Variants in LPP observed in about 807,000 individuals in gnomAD.
The protein encoded by LPP is lipoma-preferred partner.
In LPP, 38 loss-of-function variants were observed where a neutral mutation model predicts 60.4. The observed-to-expected ratio is 0.63, with a 90% confidence interval of 0.49 to 0.83. The LOEUF (loss-of-function observed/expected upper bound fraction) is 0.83, where lower values mean the gene tolerates loss of function less well. Among genes scored for constraint, LPP ranks in the 40% least tolerant of loss-of-function variants. The pLI is 0.00. For missense variants in LPP, 902 were observed against 783.6 expected, an observed-to-expected ratio of 1.15 and a Z score of -1.80; for synonymous variants, 328 against 290.8, an observed-to-expected ratio of 1.13 and a Z score of -1.30.
At chr3:188,723,649 T>A (rs1334263024) in intron 8 of LPP, among the ~76,000 whole-genome samples, 1 of 152,146 alleles carries the variant, frequency 6.6e-6, no homozygotes, top group Non-Finnish European at 1.5e-5. Flanking sequence ...AAAAACACTT[T>A]GTCCTATTGG....
Position 188,704,757 on chromosome 3 carries a change from TTTGTTG to T in LPP, c.1114-3489_1114-3484del, listed in dbSNP as rs35521611. ...TTTTGTGTACACTGCAGATACCTGT[TTTGTTG>T]TTGTTGTTGTTGTTGTTGTTTTGTC... is the stretch of plus-strand genomic sequence containing the variant. On this transcript the variant is annotated intron_variant, in intron 7 of 11. Transcript: ENST00000617246. 1.9e-4 allele frequency among the ~76,000 whole-genome samples: 28 copies of T among 150,820 alleles called. No individual in the cohort carries two copies. The East Asian group carries it at 2.0e-3, about 11-fold the overall frequency.
In LPP at chr3:188,609,628, C is replaced by T. The variant is rs771646814; in HGVS notation, c.897C>T (p.Gly299=). 2 of 1,614,154 alleles carry T rather than the reference C, an allele frequency of 1.2e-6. No individual in the cohort carries two copies. Among genetic ancestry groups the T allele is most frequent in the Admixed American group, 1.7e-5 (1 of 60,014 alleles). The part of the protein sequence containing the change: ...YAPNQGRYYE[G]YYAAGPGYGG... ...CCAACCAGGGACGCTATTATGAAGG[C>T]TACTATGCAGCAGGGCCAGGCTATG... The change falls in exon 7 of 12, where the codon GGC becomes GGT. Residue 299 remains glycine, a synonymous_variant. Coordinates refer to ENST00000617246, the MANE Select transcript of LPP (RefSeq NM_001375462.1). The surrounding 1 kb of genome is among the most constrained non-coding windows in gnomAD (Gnocchi z 6.9).
At chr3:188,200,334 C>G (rs1260026378) in intron 1 of LPP, among the ~76,000 whole-genome samples, 1 of 151,474 alleles carries the variant, frequency 6.6e-6, no homozygotes, top group Non-Finnish European at 1.5e-5. Flanking sequence ...ACCGCAACCT[C>G]TGCCTCCCAG....
At chr3:188,441,797 T>C (rs1244167810) in intron 4 of LPP, among the ~76,000 whole-genome samples, 1 of 151,660 alleles carries the variant, frequency 6.6e-6, no homozygotes, top group Non-Finnish European at 1.5e-5. Context: ...ATTTTGTTTT[T>C]GTATTTTTAG....
intron 6 of LPP, among the ~76,000 whole-genome samples, chr3:188,604,445 A>G (rs981058997): frequency 6.6e-6 from 1 of 152,150 alleles, no homozygotes; most frequent in Non-Finnish European, 1.5e-5. Flanking sequence ...TTACACATAT[A>G]GTATGGCCAT....
intron 1 of LPP, among the ~76,000 whole-genome samples, chr3:188,157,365 G>A (rs2148661862): frequency 6.6e-6 from 1 of 152,014 alleles, no homozygotes; most frequent in East Asian, 1.9e-4. Context: ...TTACCCTGCT[G>A]TTGAGCCAGT....
chr3:188,596,679 T>C (rs1367808084), intron 6 of LPP, among the ~76,000 whole-genome samples: 2 of 152,182 alleles, frequency 1.3e-5, no homozygotes, highest in African/African-American at 2.4e-5. Context: ...CTAAATATGA[T>C]GTCCTTCAAA....
chr3:188,681,324 G>A (rs1244016014), intron 7 of LPP, among the ~76,000 whole-genome samples: 3 of 152,126 alleles, frequency 2.0e-5, no homozygotes, highest in East Asian at 1.9e-4. Flanking sequence ...AGGAGCTACC[G>A]AGTACCAGAA....
chr3:188,760,545 C>G (rs1218511636), intron 9 of LPP, among the ~76,000 whole-genome samples: 1 of 152,106 alleles, frequency 6.6e-6, no homozygotes, highest in African/African-American at 2.4e-5. Flanking sequence ...TAGTGGTCTG[C>G]TGGGAAGATC....
In LPP at chr3:188,486,354, C is replaced by G. The variant is rs554799177; in HGVS notation, c.306+1650C>G. 3.9e-5 allele frequency among the ~76,000 whole-genome samples: 6 copies of G among 152,214 alleles called. No homozygotes were observed. In the East Asian group the frequency reaches 1.2e-3, roughly 29 times the overall value. On this transcript the variant is annotated intron_variant, in intron 5 of 11. Transcript: ENST00000617246. ...AATGTTATAGCAAAAAAGACAGACA[C>G]CACTCTGTCCTCAGGGAACGTAAAA...
intron 3 of LPP, among the ~76,000 whole-genome samples, chr3:188,384,201 T>G (rs2148589013): frequency 6.6e-6 from 1 of 152,324 alleles, no homozygotes; most frequent in East Asian, 1.9e-4. Context: ...CCATTTGATC[T>G]ATTGAGTTTA....
At chr3:188,356,776 A>G (rs1767730712) in intron 3 of LPP, among the ~76,000 whole-genome samples, 1 of 152,218 alleles carries the variant, frequency 6.6e-6, no homozygotes, top group East Asian at 1.9e-4. Context: ...TAATCTTTGC[A>G]TCATTTTAGT....
chr3:188,716,558 G>T (rs1560107471), intron 8 of LPP, among the ~76,000 whole-genome samples: 2 of 152,204 alleles, frequency 1.3e-5, no homozygotes, highest in Admixed American at 1.3e-4. Flanking sequence ...AAGGTATGGA[G>T]AGAGGAAAAC....
intron 4 of LPP, among the ~76,000 whole-genome samples, chr3:188,445,404 C>G (rs1006047959): frequency 6.6e-6 from 1 of 152,106 alleles, no homozygotes; most frequent in Non-Finnish European, 1.5e-5. Context: ...AAACCAAACA[C>G]CGTATGTTCT....
chr3:188,864,913 A>G (rs939361637), intron 9 of LPP, among the ~76,000 whole-genome samples: 1 of 152,240 alleles, frequency 6.6e-6, no homozygotes, highest in African/African-American at 2.4e-5. Flanking sequence ...ATAAGAAGAG[A>G]GATACAAAGA....
intron 1 of LPP, among the ~76,000 whole-genome samples, chr3:188,162,775 C>T (rs563180166): frequency 1.4e-3 from 212 of 152,214 alleles, no homozygotes; most frequent in African/African-American, 4.8e-3. Flanking sequence ...TACATGTGTC[C>T]GATTCTGGGT....
intron 1 of LPP, among the ~76,000 whole-genome samples, chr3:188,157,635 G>A (rs1268742357): frequency 1.3e-5 from 2 of 152,076 alleles, no homozygotes; most frequent in African/African-American, 4.8e-5. Context: ...ACAAAGATGA[G>A]GTGTACATGG....
chr3:188,765,341 T>G (rs1025975742), intron 9 of LPP, among the ~76,000 whole-genome samples: 1 of 123,862 alleles, frequency 8.1e-6, no homozygotes, highest in Non-Finnish European at 1.8e-5. Context: ...CACACACACT[T>G]TCTTCTTGCT....
intron 1 of LPP, among the ~76,000 whole-genome samples, chr3:188,208,000 G>A (rs904681183): frequency 8.5e-5 from 13 of 152,148 alleles, no homozygotes; most frequent in South Asian, 4.1e-4. Flanking sequence ...ATTCAAGCAC[G>A]CACACATAGT....
Sources: allele counts gnomAD v4.1 joint callset (sites outside exome capture counted in the v4.1 genomes callset), GRCh38; gene constraint gnomAD v4.1.1; non-coding constraint Gnocchi (gnomAD v3.1); transcripts MANE v1.5; gene names NCBI Gene and HGNC (gene_info 2026-07-23, HGNC 2026-07-21).